The following CDH7 variants were observed in gnomAD, a reference collection of about 807,000 sequenced individuals.
CDH7 encodes the protein cadherin-7.
A neutral mutation model predicts 71.8 loss-of-function variants in CDH7; 25 were observed. The observed-to-expected ratio is 0.35, with a 90% confidence interval of 0.25 to 0.49. CDH7 has a LOEUF of 0.49. Ranked by LOEUF, CDH7 falls within the 20% of genes least tolerant of loss-of-function variation. CDH7 has a pLI of 0.99. For missense variants in CDH7, 862 were observed against 974.6 expected, an observed-to-expected ratio of 0.88 and a Z score of 1.54; for synonymous variants, 381 against 363.8, an observed-to-expected ratio of 1.05 and a Z score of -0.54.
At chr18:65,780,992 C>T (rs1450415876) in intron 2 of CDH7, among the ~76,000 whole-genome samples, 1 of 146,114 alleles carries the variant, frequency 6.8e-6, no homozygotes, top group Non-Finnish European at 1.5e-5. Flanking sequence ...TTTATTTGCA[C>T]TAGCTATGGT....
At chr18:65,872,740 A>C (rs1913964457) in intron 11 of CDH7, among the ~76,000 whole-genome samples, 5 of 152,002 alleles carry the variant, frequency 3.3e-5, no homozygotes, top group Admixed American at 3.3e-4. Flanking sequence ...ACAAAAAATA[A>C]AACAATTAGC....
At chr18:65,806,759 T>C (rs966633160) in intron 2 of CDH7, among the ~76,000 whole-genome samples, 1 of 152,208 alleles carries the variant, frequency 6.6e-6, no homozygotes, top group Non-Finnish European at 1.5e-5. Context: ...AACATTTCTC[T>C]TCTTTGCTGA....
chr18:65,800,975 G>C (rs1421836181), intron 2 of CDH7, among the ~76,000 whole-genome samples: 1 of 152,072 alleles, frequency 6.6e-6, no homozygotes, highest in East Asian at 1.9e-4. Flanking sequence ...GCACTTCCCT[G>C]AACCCCGGGC....
chr18:65,820,528 C>T (rs1355396011), intron 4 of CDH7, among the ~76,000 whole-genome samples: 1 of 152,034 alleles, frequency 6.6e-6, no homozygotes, highest in Non-Finnish European at 1.5e-5. Context: ...TGAGCAAATG[C>T]CATACAAGTA....
intron 1 of CDH7, among the ~76,000 whole-genome samples, chr18:65,754,530 C>T (rs1286601015): frequency 6.6e-6 from 1 of 152,046 alleles, no homozygotes; most frequent in East Asian, 1.9e-4. Context: ...TTAAAATTAT[C>T]GAATGTGATG....
chr18:65,813,603 C>T (rs564613085), intron 3 of CDH7, among the ~76,000 whole-genome samples: 1 of 151,900 alleles, frequency 6.6e-6, no homozygotes, highest in South Asian at 2.1e-4. Context: ...CCTTAAATAA[C>T]ACATAAAGAA....
chr18:65,874,775 G>T (rs1914027160), intron 11 of CDH7, among the ~76,000 whole-genome samples: 1 of 151,712 alleles, frequency 6.6e-6, no homozygotes, highest in Non-Finnish European at 1.5e-5. Flanking sequence ...ATAGATATGT[G>T]GCCTTATTTA....
In CDH7 at chr18:65,883,007, T is replaced by A. The variant is rs968973177; in HGVS notation, c.*2113T>A. 8.5e-5 allele frequency: 13 copies of A among 152,090 alleles called. No individual in the cohort carries two copies. Among genetic ancestry groups the A allele is most frequent in the African/African-American group, 3.1e-4 (13 of 41,434 alleles). 9.4% of individuals were successfully genotyped at this position (152,090 alleles called of 1,614,324 possible). A position where few individuals can be genotyped will look rare whatever the true frequency, so the allele number is the denominator to read the frequency against. Reference sequence around the variant, plus strand: ...ACATACCACTAAACGGAGGTGTGGATGTATTTTAGAAAAGGAACACACATC... The same window carrying A: ...ACATACCACTAAACGGAGGTGTGGAAGTATTTTAGAAAAGGAACACACATC... On this transcript the variant is annotated 3_prime_UTR_variant, in exon 12 of 12. Coordinates refer to ENST00000397968, the MANE Select transcript of CDH7 (RefSeq NM_004361.5).
chr18:65,875,504 A>G (rs947656963), intron 11 of CDH7, among the ~76,000 whole-genome samples: 3 of 152,208 alleles, frequency 2.0e-5, no homozygotes, highest in Middle Eastern at 3.2e-3. Flanking sequence ...TTACACATCA[A>G]TATTTTTCTC....
rs772075909 is a variant in CDH7, at chr18:65,843,997, T to C, written c.1167T>C (p.Ala389=). The change falls in exon 7 of 12, where the codon GCT becomes GCC. Residue 389 remains alanine, a synonymous_variant. Transcript: ENST00000397968. ...TGTACCCTATGGAGGTGTCGGAAGC[T>C]ACCCAGGTTGGGAATATCATTGGCA... is the stretch of plus-strand genomic sequence containing the variant. ...SPLYPMEVSE[A]TQVGNIIGTV... 3.1e-6 allele frequency: 5 copies of C among 1,612,982 alleles called. No homozygotes were observed. The highest frequency in any genetic ancestry group is 4.2e-6 in the Non-Finnish European group (5 of 1,179,348).
chr18:65,843,815 C>A lies in CDH7; in HGVS notation c.985C>A (p.Leu329Met). The A allele has an allele frequency of 6.7e-7, 1 of 1,501,068 alleles. No homozygotes were observed. Among genetic ancestry groups the A allele is most frequent in the Non-Finnish European group, 8.9e-7 (1 of 1,121,058 alleles). The allele number at this position is 1,501,068 out of a possible 1,614,324, so 93.0% of individuals were successfully genotyped here. A position where few individuals can be genotyped will look rare whatever the true frequency, so the allele number is the denominator to read the frequency against. The change falls in exon 7 of 12, where the codon CTG (leucine) becomes ATG (methionine). Residue 329 changes from leucine to methionine, a missense_variant. Coordinates refer to ENST00000397968, the MANE Select transcript of CDH7 (RefSeq NM_004361.5). ...QEGIITIQKE[L>M]DFEAKTSYTL... is the part of the protein sequence containing the mutation. ...TTCCTAACGACTTTCTTTACAGGAG[C>A]TGGATTTTGAAGCCAAAACAAGTTA...
chr18:65,798,498 A>G (rs1033149087), intron 2 of CDH7, among the ~76,000 whole-genome samples: 2 of 152,224 alleles, frequency 1.3e-5, no homozygotes, highest in Admixed American at 1.3e-4. Context: ...GCTGCAGGTC[A>G]GGTTGCATAA....
chr18:65,794,755 T>TG (rs1481244496), intron 2 of CDH7, among the ~76,000 whole-genome samples: 4 of 151,858 alleles, frequency 2.6e-5, no homozygotes, highest in African/African-American at 9.7e-5. Flanking sequence ...CAGGGCGGTG[T>TG]GGGGGGTGAG....
At chr18:65,804,699 C>CGTGTGTGT (rs56242508) in intron 2 of CDH7, among the ~76,000 whole-genome samples, 5,650 of 148,736 alleles carry the variant, frequency 0.038, 150 homozygotes, top group Non-Finnish European at 0.054. Context: ...CCTTAACACA[C>CGTGTGTGT]GTGTGTGTGT....
chr18:65,757,303 C>T (rs1218981287), intron 1 of CDH7, among the ~76,000 whole-genome samples: 4 of 152,056 alleles, frequency 2.6e-5, no homozygotes, highest in African/African-American at 9.7e-5. Flanking sequence ...ATAATTGGAA[C>T]AAAATGGTAG....
rs371669828 is a variant in CDH7 at position 65,858,953 on chromosome 18, T to C, written c.1401T>C (p.Tyr467=). The C allele has an allele frequency of 2.5e-6, 4 of 1,611,592 alleles. No homozygotes were observed. The highest frequency in any genetic ancestry group is 2.7e-5 in the African/African-American group (2 of 74,852). Residue 467 remains tyrosine, a synonymous_variant, in exon 9 of 12, where the codon TAT becomes TAC. Transcript: ENST00000397968. ...ATCCATCTCAAGTAGGAAGAGGCTA[T>C]GTGGCCATCACTATACTTGACATCA... ...SQNPSQVGRG[Y]VAITILDIND... is the part of the protein sequence containing the mutation.
chr18:65,884,864 C>G lies in CDH7; in HGVS notation c.*3970C>G, dbSNP rs898402998. 1 of 152,118 alleles carries G rather than the reference C, an allele frequency of 6.6e-6. No homozygotes were observed. Among genetic ancestry groups the G allele is most frequent in the African/African-American group, 2.4e-5 (1 of 41,406 alleles). The allele number at this position is 152,118 out of a possible 1,614,324, so 9.4% of individuals were successfully genotyped here. A position where few individuals can be genotyped will look rare whatever the true frequency, so the allele number is the denominator to read the frequency against. On this transcript the variant is annotated 3_prime_UTR_variant, in exon 12 of 12. Transcript: ENST00000397968. ...TAACACTAATTATTTTCCAAGTCAC[C>G]ATTTAAAGTTTTATTTACAGTTGAC...
At chr18:65,839,650 T>C (rs1912657537) in intron 6 of CDH7, among the ~76,000 whole-genome samples, 1 of 152,232 alleles carries the variant, frequency 6.6e-6, no homozygotes, top group Non-Finnish European at 1.5e-5. Flanking sequence ...AAAAAAGTTT[T>C]ATTACATGGG....
chr18:65,844,529 C>A (rs1328343044), intron 7 of CDH7, among the ~76,000 whole-genome samples: 2 of 151,770 alleles, frequency 1.3e-5, no homozygotes, highest in African/African-American at 4.8e-5. Context: ...TTTAATATTT[C>A]CACTTAATTT....
Sources: allele counts gnomAD v4.1 joint callset (sites outside exome capture counted in the v4.1 genomes callset), GRCh38; gene constraint gnomAD v4.1.1; transcripts MANE v1.5; gene names NCBI Gene and HGNC (gene_info 2026-07-23, HGNC 2026-07-21).